Variants in SORBS2 observed in about 807,000 individuals in gnomAD.
The protein encoded by SORBS2 is sorbin and SH3 domain-containing protein 2.
Under a neutral mutation model 97.7 loss-of-function variants are expected in SORBS2, and 46 were observed. The ratio of observed to expected loss-of-function variants is 0.47; its 90% CI spans 0.37 to 0.60. The LOEUF (loss-of-function observed/expected upper bound fraction) is 0.60. Ranked by LOEUF, SORBS2 falls within the 20% of genes least tolerant of loss-of-function variation. SORBS2 has a pLI of 0.00. For synonymous variants in SORBS2, 476 were observed against 473.4 expected (o/e 1.01, Z -0.07); for missense variants, 1,316 against 1,282.3 (o/e 1.03, Z -0.40).
intron 2 of SORBS2, among the ~76,000 whole-genome samples, chr4:185,756,390 A>T (rs1477540956): frequency 6.6e-6 from 1 of 152,176 alleles, no homozygotes; most frequent in Non-Finnish European, 1.5e-5. Context: ...GATAAGGAGA[A>T]TATTTCACAA....
Position 185,747,186 on chromosome 4 carries a change from C to T in SORBS2, c.-198+28041G>A, listed in dbSNP as rs140901269. ...GAGATCACAGCAAGAAGGTGGCCGT[C>T]GGCAAGACAAGGAGGAAGGCTTCAG... On this transcript the variant is annotated intron_variant, in intron 2 of 20. Transcript: ENST00000284776. 1.2e-4 allele frequency among the ~76,000 whole-genome samples: 19 copies of T among 152,264 alleles called. No homozygotes were observed. The East Asian group carries it at 3.3e-3, about 26-fold the overall frequency.
intron 2 of SORBS2, among the ~76,000 whole-genome samples, chr4:185,701,194 T>C (rs947794918): frequency 1.3e-5 from 2 of 152,236 alleles, no homozygotes; most frequent in African/African-American, 4.8e-5. Context: ...CTTTCTTTTA[T>C]CTTGGACTTT....
intron 1 of SORBS2, among the ~76,000 whole-genome samples, chr4:185,818,340 CCACCA>C (rs2099194584): frequency 6.6e-6 from 1 of 152,068 alleles, no homozygotes; most frequent in African/African-American, 2.4e-5. Context: ...CAGGTGTCCG[CCACCA>C]CACCAGGCTA....
At position 185,684,490 on chromosome 4, in the gene SORBS2, T is replaced by TAA. The variant is rs1046208713; in HGVS notation, c.-197-5670_-197-5669dup. Among the ~76,000 whole-genome samples the TAA allele has an allele frequency of 5.5e-5, 8 of 145,288 alleles. No individual in the cohort carries two copies. The highest frequency in any genetic ancestry group is 2.0e-4 in the African/African-American group (8 of 39,792). On this transcript the variant is annotated intron_variant, in intron 2 of 20. Transcript: ENST00000284776. This position sits in a 1 kb window ranked among gnomAD's most constrained non-coding sequence, Gnocchi z 4.2. ...ACCCCTACCCCAAAAGTTTTTAGGT[T>TAA]AAAAAAAAAAACCCCAAAACCTCTG...
At chr4:185,771,626 A>G (rs2098972063) in intron 2 of SORBS2, 1 of 152,224 alleles carries the variant, frequency 6.6e-6, no homozygotes, top group African/African-American at 2.4e-5. Context: ...AATGCAAACC[A>G]CATCTTTAAT....
intron 4 of SORBS2, among the ~76,000 whole-genome samples, chr4:185,641,412 C>T (rs1250215084): frequency 5.3e-5 from 8 of 152,228 alleles, no homozygotes; most frequent in Middle Eastern, 3.4e-3. Flanking sequence ...TTTCTCTTTG[C>T]TGTGGTTGCC....
chr4:185,927,988 T>C (rs2099264528), intron 1 of SORBS2, among the ~76,000 whole-genome samples: 1 of 152,216 alleles, frequency 6.6e-6, no homozygotes, highest in African/African-American at 2.4e-5. Flanking sequence ...ATATTGCTGG[T>C]TTGTTTTCAC....
chr4:185,950,834 A>G (rs757262792), intron 1 of SORBS2, among the ~76,000 whole-genome samples: 32 of 152,222 alleles, frequency 2.1e-4, no homozygotes, highest in Admixed American at 5.2e-4. Flanking sequence ...TTTGGGGTTG[A>G]GGGAAGGAGC....
rs2153423899 is a variant in SORBS2, at chr4:185,623,839, T to A, written c.1290A>T (p.Leu430Phe). ...TTACGGGAGACAGCATGTCATCCCC[T>A]AAATTTGGCATGGATTTGGACTTCT... The change falls in exon 7 of 15, where the codon TTA becomes TTT. Residue 430 changes from leucine (L) to phenylalanine (F), a missense_variant. Leu to Phe is a conservative substitution (Grantham distance 22). Transcript: ENST00000418609. This position sits in a 1 kb window ranked among gnomAD's most constrained non-coding sequence, Gnocchi z 6.4. 5 of 1,614,192 alleles carry A rather than the reference T, an allele frequency of 3.1e-6. No individual in the cohort carries two copies. The East Asian group carries it at 1.1e-4, about 36-fold the overall frequency.
intron 1 of SORBS2, among the ~76,000 whole-genome samples, chr4:185,780,007 A>ATTT (rs538693770): frequency 0.025 from 2,448 of 97,986 alleles, 203 homozygotes; most frequent in East Asian, 0.17. Context: ...GTAGAGTAAC[A>ATTT]TTTTTTTTTT....
At chr4:185,940,175 G>T (rs999369363) in intron 1 of SORBS2, among the ~76,000 whole-genome samples, 10 of 152,114 alleles carry the variant, frequency 6.6e-5, no homozygotes, top group East Asian at 1.9e-4. Context: ...ATCTCAGAAG[G>T]TTCCATGGCT....
chr4:185,661,617 G>T (rs767305110), upstream of SORBS2, among the ~76,000 whole-genome samples: 12 of 152,172 alleles, frequency 7.9e-5, no homozygotes, highest in Non-Finnish European at 1.8e-4. Context: ...TCCAGCCTTG[G>T]TTTGAATGGT....
At chr4:185,841,568 AC>A (rs2099211556) in intron 1 of SORBS2, among the ~76,000 whole-genome samples, 1 of 152,172 alleles carries the variant, frequency 6.6e-6, no homozygotes, top group South Asian at 2.1e-4. Flanking sequence ...GATGCGGAAG[AC>A]AGAAGAAAAG....
intron 1 of SORBS2, among the ~76,000 whole-genome samples, chr4:185,938,889 C>T (rs894677628): frequency 1.3e-5 from 2 of 152,074 alleles, no homozygotes; most frequent in African/African-American, 2.4e-5. Flanking sequence ...ACATTATGTC[C>T]GCTTCAAAGC....
chr4:185,839,674 C>A (rs1414408949), intron 1 of SORBS2, among the ~76,000 whole-genome samples: 1 of 152,090 alleles, frequency 6.6e-6, no homozygotes, highest in Non-Finnish European at 1.5e-5. Context: ...GAGTCCTGTA[C>A]AATAAAGGAC....
intron 1 of SORBS2, among the ~76,000 whole-genome samples, chr4:185,864,222 A>T (rs776521030): frequency 6.6e-6 from 1 of 152,244 alleles, no homozygotes; most frequent in Non-Finnish European, 1.5e-5. Context: ...ACATACCTCA[A>T]GAAAAACACT....
At chr4:185,660,995 C>T (rs948957842), upstream of SORBS2, among the ~76,000 whole-genome samples, 4 of 152,072 alleles carry the variant, frequency 2.6e-5, no homozygotes, top group African/African-American at 7.2e-5. Flanking sequence ...TATTTATGGG[C>T]CGGGCACGGT....
At chr4:185,782,885 C>A (rs891936235) in intron 1 of SORBS2, among the ~76,000 whole-genome samples, 3 of 152,218 alleles carry the variant, frequency 2.0e-5, no homozygotes, top group Non-Finnish European at 4.4e-5. Flanking sequence ...GGAAACTTTT[C>A]TTCTACCACT....
In SORBS2 at chr4:185,589,786, C is replaced by T; in HGVS notation, c.2847-1G>A. 1 of 1,544,570 alleles carries T rather than the reference C, an allele frequency of 6.5e-7. No homozygotes were observed. Among genetic ancestry groups the T allele is most frequent in the Non-Finnish European group, 9.0e-7 (1 of 1,116,856 alleles). The stretch of plus-strand genomic sequence containing the variant: ...AGTATAGTTATACAGAGCCTGAAAC[C>T]TTAAACAGGACAAGGGAATGTGTTT... On this transcript the variant is annotated splice_acceptor_variant, in intron 13 of 14. Transcript: ENST00000418609. LOFTEE classifies it high-confidence loss of function.
Sources: gnomAD v4.1 joint callset for allele counts (sites outside exome capture counted in the v4.1 genomes callset) on GRCh38, gnomAD v4.1.1 for gene constraint, Gnocchi (gnomAD v3.1) non-coding constraint, MANE v1.5 for transcripts, NCBI Gene and HGNC (gene_info 2026-07-23, HGNC 2026-07-21) for gene names.